Variants in KLHL3 observed in about 807,000 individuals in gnomAD.
The protein encoded by KLHL3 is kelch like family member 3.
A neutral mutation model predicts 70.5 loss-of-function variants in KLHL3; 19 were observed. The observed-to-expected ratio is 0.27, with a 90% CI of 0.19 to 0.40. The LOEUF (loss-of-function observed/expected upper bound fraction) is 0.40. Among genes scored for constraint, KLHL3 ranks in the 10% least tolerant of loss-of-function variants. The pLI is 1.00. For synonymous variants in KLHL3, 258 were observed against 290.3 expected (o/e 0.89, Z 1.13); for missense variants, 512 against 771.1 (o/e 0.66, Z 3.98).
chr5:137,672,250 C>T lies in KLHL3; in HGVS notation c.636+5295G>A, dbSNP rs531278140. ...TGGCAATGCCTCGGCAGCAATCATG[C>T]AAGCCCAGCCCACCGGCCAAGGCTC... On this transcript the variant is annotated intron_variant, in intron 6 of 14. Transcript: ENST00000309755. Among the ~76,000 whole-genome samples, 4 of 152,298 alleles carry T rather than the reference C, an allele frequency of 2.6e-5. No individual in the cohort carries two copies. The South Asian group carries it at 8.3e-4, about 32-fold the overall frequency.
intron 7 of KLHL3, among the ~76,000 whole-genome samples, chr5:137,659,536 C>G (rs1698724155): frequency 6.6e-6 from 1 of 152,120 alleles, no homozygotes; most frequent in African/African-American, 2.4e-5. Flanking sequence ...CAGTAAGGAA[C>G]TGAGCCAGCT....
intron 4 of KLHL3, among the ~76,000 whole-genome samples, chr5:137,695,116 A>C (rs992438180): frequency 2.0e-5 from 3 of 152,152 alleles, no homozygotes; most frequent in Non-Finnish European, 2.9e-5. Flanking sequence ...GTGGTGCTTA[A>C]ATTCTCAAGC....
intron 5 of KLHL3, among the ~76,000 whole-genome samples, chr5:137,683,341 T>C (rs901909895): frequency 1.3e-5 from 2 of 152,134 alleles, no homozygotes; most frequent in African/African-American, 4.8e-5. Context: ...GCCTCTGAAC[T>C]GAACCACAGG....
intron 1 of KLHL3, among the ~76,000 whole-genome samples, chr5:137,735,297 G>A (rs147206014): frequency 6.6e-6 from 1 of 152,284 alleles, no homozygotes; most frequent in East Asian, 1.9e-4. Context: ...AAAGGGAAAC[G>A]CCTCCTTGAA....
chr5:137,649,785 A>G lies in KLHL3; in HGVS notation c.903+8346T>C, dbSNP rs77299946. Among the ~76,000 whole-genome samples, 918 of 152,308 alleles carry G rather than the reference A, an allele frequency of 6.0e-3. 5 individuals carry two copies. The highest frequency in any genetic ancestry group is 9.3e-3 in the Non-Finnish European group (634 of 68,018). On this transcript the variant is annotated intron_variant, in intron 8 of 14. Coordinates refer to ENST00000309755, the MANE Select transcript of KLHL3 (RefSeq NM_017415.3). ...CACTTAGCCCAGTGGCTGGCACATGATAAGTGCTCAGTAATTGATATCTGC... is the reference window on the plus strand; with the variant it reads ...CACTTAGCCCAGTGGCTGGCACATGGTAAGTGCTCAGTAATTGATATCTGC...
chr5:137,724,192 T>G (rs1753050052), intron 1 of KLHL3, among the ~76,000 whole-genome samples: 1 of 152,246 alleles, frequency 6.6e-6, no homozygotes, highest in Admixed American at 6.5e-5. Context: ...TGGAGAGACT[T>G]AAAAGCCAGA....
chr5:137,716,218 C>CTT (rs879881518), intron 2 of KLHL3, among the ~76,000 whole-genome samples: 4 of 141,686 alleles, frequency 2.8e-5, no homozygotes, highest in Admixed American at 7.1e-5. Context: ...ACGTAAATTT[C>CTT]TTTTTTTTTT....
At chr5:137,655,630 C>T (rs1751317876) in intron 8 of KLHL3, among the ~76,000 whole-genome samples, 1 of 151,978 alleles carries the variant, frequency 6.6e-6, no homozygotes, top group Non-Finnish European at 1.5e-5. Context: ...TAAGAAAAAA[C>T]ATATTTGAAA....
chr5:137,660,435 G>A (rs1751444295), intron 7 of KLHL3, among the ~76,000 whole-genome samples: 1 of 152,168 alleles, frequency 6.6e-6, no homozygotes, highest in Non-Finnish European at 1.5e-5. Context: ...GACAGTGGGA[G>A]GTTTGACTGA....
chr5:137,620,858 AC>A lies in KLHL3; in HGVS notation c.*1239del, dbSNP rs1750276573. ...CTTGGGGGTTGGGGAGAGGGTGCAC[AC>A]CCTGGAATAGGGGGAAAGCACAAGA... is the stretch of plus-strand genomic sequence containing the variant. On this transcript the variant is annotated 3_prime_UTR_variant, in exon 15 of 15. Coordinates refer to ENST00000309755, the MANE Select transcript of KLHL3 (RefSeq NM_017415.3). The A allele has an allele frequency of 6.6e-6, 1 of 152,310 alleles. No individual in the cohort carries two copies. Among genetic ancestry groups the A allele is most frequent in the African/African-American group, 2.4e-5 (1 of 41,560 alleles). 9.4% of individuals were successfully genotyped at this position (152,310 alleles called of 1,614,324 possible).
chr5:137,647,768 G>A, intron 8 of KLHL3: 1 of 363,006 alleles, frequency 2.8e-6, no homozygotes, highest in Non-Finnish European at 5.7e-6. Context: ...GAAAATGGGG[G>A]TCTGAGAACC....
intron 8 of KLHL3, among the ~76,000 whole-genome samples, chr5:137,651,244 C>G (rs529757092): frequency 1.3e-5 from 2 of 152,298 alleles, no homozygotes; most frequent in East Asian, 3.9e-4. Context: ...CCTACAGTTG[C>G]GTAGAGGAGC....
intron 5 of KLHL3, among the ~76,000 whole-genome samples, chr5:137,683,880 C>T (rs574689305): frequency 1.1e-4 from 17 of 152,188 alleles, no homozygotes; most frequent in African/African-American, 4.1e-4. Context: ...TTCCCCATAA[C>T]CCAGAAAATG....
intron 1 of KLHL3, among the ~76,000 whole-genome samples, chr5:137,728,990 A>G (rs1022173193): frequency 7.2e-5 from 11 of 152,212 alleles, no homozygotes; most frequent in Middle Eastern, 3.4e-3. Flanking sequence ...TAAAAAAAAA[A>G]AAAAGAAAAG....
intron 12 of KLHL3, among the ~76,000 whole-genome samples, chr5:137,630,567 C>G (rs1355911694): frequency 1.3e-5 from 2 of 152,196 alleles, no homozygotes; most frequent in Non-Finnish European, 2.9e-5. Flanking sequence ...TACGTCACAA[C>G]AGAGGATTTC....
chr5:137,717,433 G>C (rs1752915350), intron 2 of KLHL3, among the ~76,000 whole-genome samples: 1 of 152,202 alleles, frequency 6.6e-6, no homozygotes, highest in Non-Finnish European at 1.5e-5. Flanking sequence ...GGGAGGCTGA[G>C]GGAGGAGAAT....
At chr5:137,626,305 G>C (rs1023219566) in intron 13 of KLHL3, among the ~76,000 whole-genome samples, 2 of 152,160 alleles carry the variant, frequency 1.3e-5, no homozygotes, top group African/African-American at 4.8e-5. Flanking sequence ...CTCCTTCTCT[G>C]CTGCTAAGTT....
chr5:137,735,012 C>T (rs1485699720), intron 1 of KLHL3, among the ~76,000 whole-genome samples: 1 of 152,190 alleles, frequency 6.6e-6, no homozygotes, highest in African/African-American at 2.4e-5. Context: ...GAAGCACAGA[C>T]CTTCCAGTAT....
chr5:137,710,450 A>G (rs1369529373), intron 2 of KLHL3, among the ~76,000 whole-genome samples: 1 of 152,214 alleles, frequency 6.6e-6, no homozygotes, highest in Non-Finnish European at 1.5e-5. Context: ...TGTAATTATT[A>G]AAAATACTGT....
Sources: gnomAD v4.1 joint callset for allele counts (sites outside exome capture counted in the v4.1 genomes callset) on GRCh38, gnomAD v4.1.1 for gene constraint, MANE v1.5 for transcripts, NCBI Gene and HGNC (gene_info 2026-07-23, HGNC 2026-07-21) for gene names.